Variants in COL6A5 observed in about 807,000 individuals in gnomAD.
The protein encoded by COL6A5 is collagen type VI alpha 5 chain, also known as collagen alpha-5(VI) chain.
Under a neutral mutation model 65.6 loss-of-function variants are expected in COL6A5, and 48 were observed. The ratio of observed to expected loss-of-function variants is 0.73; its 90% confidence interval spans 0.58 to 0.93. The LOEUF is 0.93. Ranked by LOEUF, COL6A5 falls within the 40% of genes least tolerant of loss-of-function variation. COL6A5 has a pLI of 0.00. For synonymous variants in COL6A5, 291 were observed against 322.8 expected (o/e 0.90, Z 1.05); for missense variants, 914 against 928.3 (o/e 0.98, Z 0.20).
At chr3:130,384,931 A>C (rs1309736652) in exon 5 of COL6A5, 1 of 1,550,866 alleles carries the variant, frequency 6.4e-7, no homozygotes, top group Non-Finnish European at 8.7e-7. Flanking sequence ...GCATTGGCCC[A>C]GACAAAGTCC....
In COL6A5 at chr3:130,403,568, G is replaced by GT. The variant is rs916197598; in HGVS notation, c.4228-41_4228-40insT. The GT allele has an allele frequency of 4.0e-6, 6 of 1,507,278 alleles. No individual in the cohort carries two copies. In the African/African-American group the frequency reaches 8.4e-5, roughly 21 times the overall value. The allele number at this position is 1,507,278 out of a possible 1,614,324, so 93.4% of individuals were successfully genotyped here. ...GATTTCACAAGTTTGACTTTATTGG[G>GT]GGGGGGTGACTAAAATGTATTGTTC... is the stretch of plus-strand genomic sequence containing the variant. On this transcript the variant is annotated intron_variant and NMD_transcript_variant, in intron 12 of 41. Transcript: ENST00000312481.
intron 1 of COL6A5, among the ~76,000 whole-genome samples, chr3:130,369,319 A>G (rs1478102257): frequency 6.6e-6 from 1 of 152,208 alleles, no homozygotes; most frequent in Non-Finnish European, 1.5e-5. Context: ...TACTTTTGCA[A>G]TATTTGTGGC....
intron 25 of COL6A5, among the ~76,000 whole-genome samples, chr3:130,420,172 G>A (rs1202186897): frequency 6.7e-6 from 1 of 150,114 alleles, no homozygotes; most frequent in Non-Finnish European, 1.5e-5. Context: ...AAAGAAGGAG[G>A]AGAGGGGAAG....
chr3:130,387,941 T>C (rs537080996), intron 5 of COL6A5, among the ~76,000 whole-genome samples: 5 of 151,922 alleles, frequency 3.3e-5, no homozygotes, highest in Admixed American at 3.3e-4. Context: ...TATATGTATA[T>C]ATATATATAC....
chr3:130,417,199 C>T (rs934951990), intron 24 of COL6A5, among the ~76,000 whole-genome samples: 2 of 151,996 alleles, frequency 1.3e-5, no homozygotes, highest in African/African-American at 4.8e-5. Flanking sequence ...GTTTTCTCTT[C>T]CTGTGTTAGT....
intron 14 of COL6A5, 130 bp downstream of exon 14, chr3:130,405,789 A>G: frequency 1.1e-6 from 1 of 927,200 alleles, no homozygotes; most frequent in Non-Finnish European, 1.7e-6. Context: ...AGTTATATAG[A>G]TGAGTTTTCC....
intron 6 of COL6A5, 93 bp from the exon 39 acceptor site, chr3:130,470,778 C>G: frequency 1.2e-6 from 1 of 859,824 alleles, no homozygotes; most frequent in East Asian, 2.6e-5. Context: ...TTCTTGAAAA[C>G]ACTGCCAACC....
chr3:130,403,731 A>C, intron 13 of COL6A5, 69 bp downstream of exon 13: 5 of 1,121,090 alleles, frequency 4.5e-6, no homozygotes, highest in Admixed American at 2.9e-5. Flanking sequence ...ACACACACAA[A>C]CACACACTTA....
intron 1 of COL6A5, among the ~76,000 whole-genome samples, 169 bp from the exon 34 acceptor site, chr3:130,439,339 TTGTGTGTGTGTGTG>T (rs5852597): frequency 1.4e-4 from 21 of 146,666 alleles, no homozygotes; most frequent in Admixed American, 4.7e-4. Flanking sequence ...AAGCAGGGGA[TTGTGTGTGTGTGTG>T]TGTGTGTGTG....
intron 7 of COL6A5, among the ~76,000 whole-genome samples, chr3:130,478,467 T>C (rs769770778): frequency 3.9e-5 from 6 of 152,044 alleles, no homozygotes; most frequent in African/African-American, 9.7e-5. Flanking sequence ...CACACAAAGA[T>C]TTTCCAATGC....
chr3:130,416,657 G>A, intron 23 of COL6A5, 100 bp from the exon 24 acceptor site: 2 of 716,972 alleles, frequency 2.8e-6, no homozygotes. Flanking sequence ...GCTGCATCAA[G>A]GAGTTGTTGG....
rs1937829477 is a variant in COL6A5 at position 130,431,863 on chromosome 3, A to G, written c.403A>G (p.Ile135Val). The change falls in exon 1 of 8, where the codon ATC becomes GTC. Residue 135 changes from isoleucine to valine, a missense_variant. Transcript: ENST00000512836. ...TCAAACAGCCAGTAGGTCATCCATC[A>G]TCACGGCCACCATGGAGTTTAGTGC... 6.4e-6 allele frequency: 10 copies of G among 1,551,664 alleles called. No individual in the cohort carries two copies. Among genetic ancestry groups the G allele is most frequent in the Non-Finnish European group, 8.7e-6 (10 of 1,146,948 alleles).
intron 12 of COL6A5, among the ~76,000 whole-genome samples, chr3:130,403,252 C>T (rs1021758549): frequency 2.0e-5 from 3 of 152,144 alleles, no homozygotes; most frequent in Non-Finnish European, 4.4e-5. Flanking sequence ...TAAAATAATA[C>T]CTTTGGAAAT....
chr3:130,469,214 C>A lies in COL6A5; in HGVS notation c.1966C>A (p.Leu656Met), dbSNP rs1395402567. 2 of 1,613,246 alleles carry A rather than the reference C, an allele frequency of 1.2e-6. No individual in the cohort carries two copies. The highest frequency in any genetic ancestry group is 2.2e-5 in the East Asian group (1 of 44,848). The change falls in exon 6 of 8, where the codon CTG becomes ATG. Residue 656 changes from leucine (L) to methionine (M), a missense_variant. Physicochemically the swap from Leu to Met is conservative, Grantham distance 15. Coordinates refer to ENST00000512836, the Ensembl canonical transcript of COL6A5. Reference sequence around the variant, plus strand: ...CAATGTCTTTGTAGGAACCCCCAATCTGAGGAAAAACAAAGTTATCTTTGT... The same window carrying A: ...CAATGTCTTTGTAGGAACCCCCAATATGAGGAAAAACAAAGTTATCTTTGT...
intron 1 of COL6A5, 67 bp from the exon 34 acceptor site, chr3:130,439,455 T>C: frequency 2.5e-6 from 3 of 1,176,872 alleles, no homozygotes; most frequent in Admixed American, 4.4e-5. Context: ...AACTAATCCT[T>C]AAAGTGGTTT....
In COL6A5 at chr3:130,436,049, C is replaced by T. The variant is rs191249957; in HGVS notation, c.488-3473C>T. On this transcript the variant is annotated intron_variant, in intron 1 of 7. Transcript: ENST00000512836. Reference sequence around the variant, plus strand: ...TCAAGTGGAATTTAAACTTGCAAAGCCCTACTGATATTCTAGAAATTTCTA... The same window carrying T: ...TCAAGTGGAATTTAAACTTGCAAAGTCCTACTGATATTCTAGAAATTTCTA... 9.4e-3 allele frequency among the ~76,000 whole-genome samples: 1,423 copies of T among 152,044 alleles called. 17 individuals are homozygous for T. Among genetic ancestry groups the T allele is most frequent in the Non-Finnish European group, 0.015 (1,023 of 67,966 alleles).
intron 1 of COL6A5, among the ~76,000 whole-genome samples, chr3:130,436,899 TG>T (rs555070021): frequency 4.2e-4 from 64 of 152,286 alleles, no homozygotes; most frequent in African/African-American, 1.3e-3. Flanking sequence ...ATGTCCTCAA[TG>T]ATATGTCTAT....
chr3:130,456,349 T>C (rs1709571798), intron 5 of COL6A5, among the ~76,000 whole-genome samples: 1 of 151,780 alleles, frequency 6.6e-6, no homozygotes, highest in Non-Finnish European at 1.5e-5. Flanking sequence ...GAATGGGTAA[T>C]GGGTAGAGAA....
chr3:130,442,007 G>A (rs746056382), intron 3 of COL6A5, among the ~76,000 whole-genome samples: 1 of 152,086 alleles, frequency 6.6e-6, no homozygotes, highest in Non-Finnish European at 1.5e-5. Flanking sequence ...ATAATGTCTT[G>A]AGCCTTCACT....
Sources: gnomAD v4.1 joint callset for allele counts (sites outside exome capture counted in the v4.1 genomes callset) on GRCh38, gnomAD v4.1.1 for gene constraint, MANE v1.5 for transcripts, NCBI Gene and HGNC (gene_info 2026-07-23, HGNC 2026-07-21) for gene names.